The following PUS7L variants were observed in gnomAD, a reference collection of about 807,000 sequenced individuals.
PUS7L encodes pseudouridylate synthase PUS7L.
PUS7L carries 49 observed loss-of-function variants against 51.1 expected under a neutral mutation model. That is an observed-to-expected ratio of 0.96 (90% confidence interval 0.76 to 1.22). PUS7L has a LOEUF of 1.22. Among genes scored for constraint, PUS7L ranks in the 50% most tolerant of loss-of-function variants. PUS7L has a pLI of 0.00. For missense variants in PUS7L, 828 were observed against 820.6 expected, an observed-to-expected ratio of 1.01 and a Z score of -0.11; for synonymous variants, 277 against 276.2, an observed-to-expected ratio of 1.00 and a Z score of -0.03.
chr12:43,758,229 G>T, intron 1 of PUS7L: 2 of 773,870 alleles, frequency 2.6e-6, no homozygotes, highest in Non-Finnish European at 3.1e-6. Flanking sequence ...AGTGAAACAG[G>T]TAGGGAAACT....
chr12:43,758,665 C>T, intron 1 of PUS7L, 65 bp downstream of exon 1: 1 of 562,710 alleles, frequency 1.8e-6, no homozygotes, highest in Non-Finnish European at 2.0e-6. Flanking sequence ...CCCCCCCCCC[C>T]CACACACACA....
rs1939038342 is a variant in PUS7L, at chr12:43,758,667, ACACAC to A, written c.-17+58_-17+62del. The A allele has an allele frequency of 1.4e-5, 6 of 423,962 alleles. 1 individual carries two copies. The highest frequency in any genetic ancestry group is 1.7e-4 in the African/African-American group (2 of 11,952). The allele number at this position is 423,962 out of a possible 1,614,324, so 26.3% of individuals were successfully genotyped here. The stretch of plus-strand genomic sequence containing the variant: ...GCCAACCTCGTCACCCCCCCCCCCC[ACACAC>A]ACACACACACACACACATACAAGCC... On this transcript the variant is annotated intron_variant, in intron 1 of 8. Transcript: ENST00000344862.
At chr12:43,749,687 A>G (rs1938349855) in intron 2 of PUS7L, among the ~76,000 whole-genome samples, 1 of 152,110 alleles carries the variant, frequency 6.6e-6, no homozygotes, top group African/African-American at 2.4e-5. Context: ...AAAAGGTGGT[A>G]CATATACACC....
intron 4 of PUS7L, among the ~76,000 whole-genome samples, chr12:43,743,535 C>T (rs10880559): frequency 6.6e-6 from 1 of 152,064 alleles, no homozygotes; most frequent in Non-Finnish European, 1.5e-5. Context: ...AGGCCAAGGC[C>T]GGCGGATCAC....
At chr12:43,758,627 G>A (rs1939001297) in intron 1 of PUS7L, 103 bp downstream of exon 1, 1 of 974,268 alleles carries the variant, frequency 1.0e-6, no homozygotes, top group African/African-American at 1.9e-5. Context: ...GGCGCAAAGG[G>A]TATGGATCCT....
chr12:43,730,908 T>C (rs887085131), intron 8 of PUS7L, among the ~76,000 whole-genome samples: 1 of 152,152 alleles, frequency 6.6e-6, no homozygotes, highest in Admixed American at 6.6e-5. Context: ...AATCAAGGAC[T>C]CACAATAACT....
intron 5 of PUS7L, 126 bp downstream of exon 5, chr12:43,742,331 G>A: frequency 1.5e-6 from 1 of 651,890 alleles, no homozygotes; most frequent in Non-Finnish European, 2.7e-6. Context: ...GTTCAGTAAT[G>A]TAATATATTT....
chr12:43,733,259 C>G (rs926714225), intron 7 of PUS7L, among the ~76,000 whole-genome samples: 5 of 152,162 alleles, frequency 3.3e-5, no homozygotes, highest in Non-Finnish European at 5.9e-5. Flanking sequence ...AAGAAGGAAT[C>G]AGATTAGTTT....
intron 1 of PUS7L, among the ~76,000 whole-genome samples, chr12:43,757,425 C>T (rs1938822473): frequency 6.6e-6 from 1 of 152,210 alleles, no homozygotes; most frequent in African/African-American, 2.4e-5. Context: ...CCCGCCTCGG[C>T]CTCCCAAAGT....
At chr12:43,745,821 A>C (rs1938139929) in intron 4 of PUS7L, among the ~76,000 whole-genome samples, 1 of 150,448 alleles carries the variant, frequency 6.6e-6, no homozygotes. Context: ...CTGCATTTTT[A>C]AAATCATGTT....
chr12:43,738,840 C>A, intron 5 of PUS7L: 5 of 309,058 alleles, frequency 1.6e-5, no homozygotes, highest in Non-Finnish European at 2.0e-5. Flanking sequence ...CTTAACAACC[C>A]ACCAGAAGAA....
At chr12:43,757,309 C>A (rs1938794913) in intron 1 of PUS7L, among the ~76,000 whole-genome samples, 1 of 152,010 alleles carries the variant, frequency 6.6e-6, no homozygotes, top group Admixed American at 6.6e-5. Context: ...TAGCTGGGAC[C>A]ACAGGGGCGC....
chr12:43,734,597 A>C (rs1029690518), intron 7 of PUS7L, among the ~76,000 whole-genome samples: 1 of 152,128 alleles, frequency 6.6e-6, no homozygotes, highest in Non-Finnish European at 1.5e-5. Flanking sequence ...AGTCTGTTTT[A>C]CCTCTATTTT....
At chr12:43,738,099 G>C (rs1403325632) in intron 6 of PUS7L, 3 of 448,790 alleles carry the variant, frequency 6.7e-6, no homozygotes, top group Non-Finnish European at 1.2e-5. Flanking sequence ...CCTACCCCTA[G>C]ACAAGACTTA....
At chr12:43,737,281 C>T (rs561159637) in intron 6 of PUS7L, among the ~76,000 whole-genome samples, 29 of 152,170 alleles carry the variant, frequency 1.9e-4, no homozygotes, top group African/African-American at 6.7e-4. Flanking sequence ...ATTATCATCT[C>T]GGGACTCTAT....
intron 3 of PUS7L, 145 bp downstream of exon 3, chr12:43,748,305 A>C (rs1359804703): frequency 1.2e-5 from 6 of 506,752 alleles, no homozygotes; most frequent in Non-Finnish European, 6.8e-6. Flanking sequence ...TAATATAATT[A>C]ATTAGGAAAA....
In PUS7L at chr12:43,746,062, G is replaced by C; in HGVS notation, c.1247C>G (p.Ala416Gly). The C allele has an allele frequency of 6.7e-7, 1 of 1,490,800 alleles. No homozygotes were observed. The allele number at this position is 1,490,800 out of a possible 1,614,324, so 92.3% of individuals were successfully genotyped here. A position where few individuals can be genotyped will look rare whatever the true frequency, so the allele number is the denominator to read the frequency against. ...SANLRERIME[A>G]IENVKKKGFV... ...TTTTCTTACCTTAACATTTTCTATT[G>C]CTTCCATAATTCTCTCCCTCAGGTT... is the stretch of plus-strand genomic sequence containing the variant. The change falls in exon 4 of 9, where the codon GCA becomes GGA. Residue 416 changes from alanine (A) to glycine (G), a missense_variant. Coordinates refer to ENST00000344862, the MANE Select transcript of PUS7L (RefSeq NM_031292.5).
At chr12:43,748,744 T>A (rs7969729) in intron 2 of PUS7L, 135 bp from the exon 3 acceptor site, 112,930 of 767,034 alleles carry the variant, frequency 0.15, 12,983 homozygotes, top group African/African-American at 0.52. Flanking sequence ...TGTTGTTTTG[T>A]GATGGAGTGT....
chr12:43,752,298 T>C (rs1938491571), intron 2 of PUS7L, among the ~76,000 whole-genome samples: 1 of 152,154 alleles, frequency 6.6e-6, no homozygotes. Flanking sequence ...GTTTTGAGTA[T>C]CCTCACAGCA....
Sources: gnomAD v4.1 joint callset for allele counts (sites outside exome capture counted in the v4.1 genomes callset) on GRCh38, gnomAD v4.1.1 for gene constraint, MANE v1.5 for transcripts, NCBI Gene and HGNC (gene_info 2026-07-23, HGNC 2026-07-21) for gene names.